The following C12orf75 variants were observed in gnomAD, a reference collection of about 807,000 sequenced individuals.
The protein encoded by C12orf75 is overexpressed in colon carcinoma 1 protein.
C12orf75 carries 4 observed loss-of-function variants against 11.4 expected under a neutral mutation model. The ratio of observed to expected loss-of-function variants is 0.35; its 90% CI spans 0.17 to 0.80. C12orf75 has a LOEUF of 0.80. C12orf75 is among the 30% of genes least tolerant of loss of function. The pLI, the probability that C12orf75 is intolerant of heterozygous loss-of-function variation, is 0.52. For synonymous variants in C12orf75, 30 were observed against 30.0 expected (o/e 1.00, Z 0.00); for missense variants, 89 against 80.4 (o/e 1.11, Z -0.41).
At chr12:105,338,589 C>T (rs1181322144) in intron 1 of C12orf75, among the ~76,000 whole-genome samples, 2 of 152,118 alleles carry the variant, frequency 1.3e-5, no homozygotes, top group East Asian at 1.9e-4. Context: ...GTATTTGGCT[C>T]GTGGTTCTGC....
At chr12:105,363,911 T>C (rs1892908789) in intron 2 of C12orf75, among the ~76,000 whole-genome samples, 1 of 152,214 alleles carries the variant, frequency 6.6e-6, no homozygotes, top group Admixed American at 6.5e-5. Flanking sequence ...GATTGAGTTT[T>C]AAGATATTGA....
At chr12:105,360,594 C>T (rs1288199041) in intron 2 of C12orf75, among the ~76,000 whole-genome samples, 2 of 152,164 alleles carry the variant, frequency 1.3e-5, no homozygotes, top group Non-Finnish European at 2.9e-5. Context: ...TTCCCCCATG[C>T]CCATCAGAAG....
At chr12:105,335,840 A>AT (rs1300848993) in intron 1 of C12orf75, among the ~76,000 whole-genome samples, 1 of 145,844 alleles carries the variant, frequency 6.9e-6, no homozygotes, top group African/African-American at 2.5e-5. Flanking sequence ...TTTTAAATGG[A>AT]TTTTTTGGTT....
At chr12:105,340,766 A>T (rs577798418) in intron 1 of C12orf75, among the ~76,000 whole-genome samples, 41 of 152,302 alleles carry the variant, frequency 2.7e-4, no homozygotes, top group Non-Finnish European at 4.9e-4. Flanking sequence ...ATTATACTAG[A>T]TTATCTGAGT....
At chr12:105,348,464 C>G in intron 1 of C12orf75, 138 bp from the exon 2 acceptor site, 1 of 449,426 alleles carries the variant, frequency 2.2e-6, no homozygotes. Context: ...TTTTTTTGCC[C>G]TCCTTTCTCT....
chr12:105,333,202 C>G (rs1369937346), intron 1 of C12orf75, among the ~76,000 whole-genome samples: 1 of 152,202 alleles, frequency 6.6e-6, no homozygotes, highest in Admixed American at 6.5e-5. Flanking sequence ...GTGAGTCCAC[C>G]TGGCTGACTT....
intron 2 of C12orf75, among the ~76,000 whole-genome samples, chr12:105,362,482 A>G (rs976767892): frequency 4.7e-5 from 7 of 150,394 alleles, no homozygotes; most frequent in Non-Finnish European, 8.9e-5. Flanking sequence ...CCTGGCTAAC[A>G]TGGTGAAACC....
intron 1 of C12orf75, among the ~76,000 whole-genome samples, chr12:105,347,891 T>C (rs1892658336): frequency 6.6e-6 from 1 of 152,220 alleles, no homozygotes. Flanking sequence ...TAGCGCACAG[T>C]TTGACTTAAC....
intron 2 of C12orf75, among the ~76,000 whole-genome samples, chr12:105,350,274 A>G (rs1892694734): frequency 6.6e-6 from 1 of 152,220 alleles, no homozygotes; most frequent in Non-Finnish European, 1.5e-5. Flanking sequence ...AGGATTTATT[A>G]GGAATAGGAA....
At chr12:105,331,992 T>TA (rs1312663456) in intron 1 of C12orf75, among the ~76,000 whole-genome samples, 1 of 152,160 alleles carries the variant, frequency 6.6e-6, no homozygotes, top group East Asian at 1.9e-4. Context: ...CAGACGCCGG[T>TA]AAAAAATGGA....
chr12:105,368,745 A>G (rs140885167), intron 5 of C12orf75, among the ~76,000 whole-genome samples: 3 of 152,314 alleles, frequency 2.0e-5, no homozygotes, highest in East Asian at 1.9e-4. Context: ...GAGACGCAGA[A>G]ACTGTAACCA....
intron 2 of C12orf75, among the ~76,000 whole-genome samples, chr12:105,362,721 T>G (rs894171539): frequency 3.3e-5 from 5 of 151,918 alleles, no homozygotes; most frequent in Non-Finnish European, 7.4e-5. Context: ...TGCATGTTTC[T>G]CTAATGCAAA....
chr12:105,354,350 C>T (rs978574376), intron 2 of C12orf75, among the ~76,000 whole-genome samples: 1 of 152,186 alleles, frequency 6.6e-6, no homozygotes, highest in Non-Finnish European at 1.5e-5. Flanking sequence ...CTAATCTTTA[C>T]TGAGGACTGT....
chr12:105,370,179 C>G (rs1348196159), intron 5 of C12orf75, among the ~76,000 whole-genome samples: 2 of 152,148 alleles, frequency 1.3e-5, no homozygotes, highest in Non-Finnish European at 2.9e-5. Context: ...CTACTTCCAG[C>G]ACAGAGGGGC....
intron 2 of C12orf75, among the ~76,000 whole-genome samples, chr12:105,355,127 A>G (rs1436946830): frequency 6.8e-6 from 1 of 148,142 alleles, no homozygotes; most frequent in Non-Finnish European, 1.5e-5. Context: ...GCAAAATATG[A>G]GGTGAGAGGT....
intron 5 of C12orf75, among the ~76,000 whole-genome samples, chr12:105,369,090 G>GA (rs1397417681): frequency 2.0e-5 from 3 of 152,204 alleles, no homozygotes. Context: ...AAATAGAGTG[G>GA]AAAGAGGTGC....
intron 2 of C12orf75, among the ~76,000 whole-genome samples, chr12:105,363,091 G>C (rs965560996): frequency 1.9e-5 from 2 of 106,450 alleles, no homozygotes; most frequent in Non-Finnish European, 3.5e-5. Context: ...AGTGGTGAAT[G>C]AGAATGGAGC....
At chr12:105,357,032 A>G (rs1892791698) in intron 2 of C12orf75, among the ~76,000 whole-genome samples, 1 of 152,230 alleles carries the variant, frequency 6.6e-6, no homozygotes, top group Non-Finnish European at 1.5e-5. Context: ...AGCCACAGAG[A>G]CATGGTCGTT....
At chr12:105,350,984 T>G (rs1892706484) in intron 2 of C12orf75, among the ~76,000 whole-genome samples, 1 of 152,150 alleles carries the variant, frequency 6.6e-6, no homozygotes, top group African/African-American at 2.4e-5. Context: ...TCCTATAACT[T>G]TAAAATAAAG....
Sources: allele counts gnomAD v4.1 joint callset (sites outside exome capture counted in the v4.1 genomes callset), GRCh38; gene constraint gnomAD v4.1.1; transcripts MANE v1.5; gene names NCBI Gene and HGNC (gene_info 2026-07-23, HGNC 2026-07-21).